Variants in GALR1 observed in about 807,000 individuals in gnomAD.
GALR1 encodes the protein galanin receptor 1.
Under a neutral mutation model 17.9 loss-of-function variants are expected in GALR1, and 11 were observed. The observed-to-expected ratio is 0.62, with a 90% confidence interval of 0.39 to 1.02. The LOEUF (loss-of-function observed/expected upper bound fraction) is 1.02. Ranked by LOEUF, GALR1 falls within the 50% of genes least tolerant of loss-of-function variation. The pLI, the probability that GALR1 is intolerant of heterozygous loss-of-function variation, is 0.01. For synonymous variants in GALR1, 206 were observed against 205.7 expected (o/e 1.00, Z -0.01); for missense variants, 441 against 456.9 (o/e 0.97, Z 0.32).
rs374047751 is a variant in GALR1, at chr18:77,268,861, C to T, written c.1009C>T (p.Arg337Ter). 7.4e-6 allele frequency: 12 copies of T among 1,613,110 alleles called. No individual in the cohort carries two copies. The highest frequency in any genetic ancestry group is 4.5e-5 in the East Asian group (2 of 44,896). The part of the protein sequence containing the change: ...HLSDTKESKS[R>*]IDTPPSTNCT... ...GAGTGATACTAAAGAAAGTAAAAGTCGAATAGACACCCCACCATCAACCAA... is the reference window on the plus strand; with the variant it reads ...GAGTGATACTAAAGAAAGTAAAAGTTGAATAGACACCCCACCATCAACCAA... The change falls in exon 3 of 3, where the codon CGA becomes TGA. Residue 337 changes from arginine (R) to a stop codon, truncating the protein, a stop_gained. Transcript: ENST00000299727. LOFTEE classifies it high-confidence loss of function.
chr18:77,256,228 T>C lies in GALR1; in HGVS notation c.732+5T>C, dbSNP rs1912584605. On this transcript the variant is annotated splice_donor_5th_base_variant and intron_variant, in intron 2 of 2. Coordinates refer to ENST00000299727, the MANE Select transcript of GALR1 (RefSeq NM_001480.4). ...TCTGAAGCATCCAAGAAAAAGGTAATGATCACAAATATATATATATATGTT... is the reference window on the plus strand; with the variant it reads ...TCTGAAGCATCCAAGAAAAAGGTAACGATCACAAATATATATATATATGTT... The C allele has an allele frequency of 6.8e-7, 1 of 1,480,976 alleles. No homozygotes were observed. The highest frequency in any genetic ancestry group is 9.4e-7 in the Non-Finnish European group (1 of 1,060,166). 91.7% of individuals were successfully genotyped at this position (1,480,976 alleles called of 1,614,324 possible). A position where few individuals can be genotyped will look rare whatever the true frequency, so the allele number is the denominator to read the frequency against.
At chr18:77,256,134 A>G (rs1053991953) in intron 1 of GALR1, 24 bp from the exon 2 acceptor site, 9 of 1,487,698 alleles carry the variant, frequency 6.0e-6, no homozygotes, top group Non-Finnish European at 8.4e-6. Context: ...AGGCGAACTG[A>G]TTTCAATAGT....
At chr18:77,258,681 A>ATGGTGATGG (rs2144956784) in intron 2 of GALR1, among the ~76,000 whole-genome samples, 1 of 93,030 alleles carries the variant, frequency 1.1e-5, no homozygotes, top group African/African-American at 4.2e-5. Flanking sequence ...CATGGTGGTG[A>ATGGTGATGG]TGGTGATGGT....
At chr18:77,262,235 G>C (rs1466364865) in intron 2 of GALR1, among the ~76,000 whole-genome samples, 1 of 148,644 alleles carries the variant, frequency 6.7e-6, no homozygotes, top group Non-Finnish European at 1.5e-5. Context: ...AAAAAAAAAA[G>C]CTTTGCACTG....
At chr18:77,252,989 T>TCACCACCACCACCATCAC in intron 1 of GALR1, among the ~76,000 whole-genome samples, 1 of 25,038 alleles carries the variant, frequency 4.0e-5, no homozygotes, top group South Asian at 1.5e-3. Context: ...ATCACCACCA[T>TCACCACCACCACCATCAC]CACCACCACC....
At chr18:77,256,304 A>ATCCAAAG in intron 2 of GALR1, 81 bp downstream of exon 2, 1 of 788,528 alleles carries the variant, frequency 1.3e-6, no homozygotes, top group East Asian at 2.5e-5. Context: ...CCTCACGTCC[A>ATCCAAAG]TCCAAAGCCT....
rs1164237378 is a variant in GALR1, at chr18:77,269,867, A to G, written c.*965A>G. On this transcript the variant is annotated 3_prime_UTR_variant, in exon 3 of 3. Transcript: ENST00000299727. ...TAATGGTCATGCCTGTACATAAAGC[A>G]TATTTCATGTTTGATTTAGATGACA... is the stretch of plus-strand genomic sequence containing the variant. 1 of 152,228 alleles carries G rather than the reference A, an allele frequency of 6.6e-6. No homozygotes were observed. 9.4% of individuals were successfully genotyped at this position (152,228 alleles called of 1,614,324 possible).
Position 77,274,950 on chromosome 18 carries a change from T to C in GALR1, c.*6048T>C, listed in dbSNP as rs942525523. 3 of 152,246 alleles carry C rather than the reference T, an allele frequency of 2.0e-5. No individual in the cohort carries two copies. Among genetic ancestry groups the C allele is most frequent in the African/African-American group, 7.2e-5 (3 of 41,470 alleles). 9.4% of individuals were successfully genotyped at this position (152,246 alleles called of 1,614,324 possible). A position where few individuals can be genotyped will look rare whatever the true frequency, so the allele number is the denominator to read the frequency against. ...ATGTTGAGGGGTTCACAAAGTGGCT[T>C]GGCCTCAGACCTCTATATCCTTGTT... On this transcript the variant is annotated 3_prime_UTR_variant, in exon 3 of 3. Coordinates refer to ENST00000299727, the MANE Select transcript of GALR1 (RefSeq NM_001480.4).
intron 1 of GALR1, among the ~76,000 whole-genome samples, chr18:77,252,477 T>C (rs1293427679): frequency 6.6e-6 from 1 of 152,266 alleles, no homozygotes; most frequent in African/African-American, 2.4e-5. Context: ...GTGTTTACTA[T>C]AAGCCACCTG....
At chr18:77,261,978 T>G (rs1912839840) in intron 2 of GALR1, among the ~76,000 whole-genome samples, 1 of 152,134 alleles carries the variant, frequency 6.6e-6, no homozygotes. Context: ...TGCACACTGC[T>G]GCACCCGGCT....
In GALR1 at chr18:77,269,263, C is replaced by T. The variant is rs1391421711; in HGVS notation, c.*361C>T. 7.1e-6 allele frequency: 1 copy of T among 141,688 alleles called. No individual in the cohort carries two copies. Among genetic ancestry groups the T allele is most frequent in the African/African-American group, 2.8e-5 (1 of 35,944 alleles). 8.8% of individuals were successfully genotyped at this position (141,688 alleles called of 1,614,324 possible). On this transcript the variant is annotated 3_prime_UTR_variant, in exon 3 of 3. Coordinates refer to ENST00000299727, the MANE Select transcript of GALR1 (RefSeq NM_001480.4). ...TATGGTCAGGAATATTTGCAGTCTA[C>T]ATTTTAAAGCCAATTTATTTAGAAA...
chr18:77,252,908 C>T (rs866433087), intron 1 of GALR1, among the ~76,000 whole-genome samples: 544 of 46,102 alleles, frequency 0.012, 6 homozygotes, highest in South Asian at 0.017. Flanking sequence ...ACCACCACCA[C>T]CACCACCACC....
At chr18:77,268,560 T>C (rs1459704939) in intron 2 of GALR1, 25 bp from the exon 3 acceptor site, 1 of 1,572,390 alleles carries the variant, frequency 6.4e-7, no homozygotes, top group Admixed American at 1.7e-5. Context: ...CTCCTCCTCC[T>C]CCTCCTCCTC....
chr18:77,263,603 C>G (rs529476903), intron 2 of GALR1, among the ~76,000 whole-genome samples: 2 of 152,310 alleles, frequency 1.3e-5, no homozygotes, highest in South Asian at 4.1e-4. Flanking sequence ...ACTCTCATCT[C>G]CTGTCCACCT....
At chr18:77,251,931 G>GT (rs1008970118) in intron 1 of GALR1, among the ~76,000 whole-genome samples, 11 of 152,360 alleles carry the variant, frequency 7.2e-5, no homozygotes, top group Middle Eastern at 3.4e-3. Context: ...TCTTTACAGA[G>GT]TCTTGACCGC....
Position 77,251,146 on chromosome 18 carries a change from T to C in GALR1, c.598T>C (p.Tyr200His). 3.7e-6 allele frequency: 6 copies of C among 1,613,102 alleles called. No individual in the cohort carries two copies. The highest frequency in any genetic ancestry group is 5.1e-6 in the Non-Finnish European group (6 of 1,179,880). ...QWPDPRHKKA[Y>H]VVCTFVFGYL... ...GCCCGACCCTCGCCACAAGAAGGCC[T>C]ACGTGGTGTGCACCTTCGTCTTCGG... The change falls in exon 1 of 3, where the codon TAC (tyrosine) becomes CAC (histidine). Residue 200 changes from tyrosine (Y) to histidine (H), a missense_variant. Transcript: ENST00000299727.
rs1568139233 is a variant in GALR1 at position 77,252,986 on chromosome 18, C to T, written c.666+1772C>T. Among the ~76,000 whole-genome samples the T allele has an allele frequency of 6.9e-3, 320 of 46,230 alleles. 8 individuals carry two copies. The highest frequency in any genetic ancestry group is 0.013 in the Non-Finnish European group (245 of 18,928). 30.3% of individuals were successfully genotyped at this position (46,230 alleles called of 152,430 possible). A position where few individuals can be genotyped will look rare whatever the true frequency, so the allele number is the denominator to read the frequency against. ...ACCACCACCATCACCACCATCACCA[C>T]CATCACCACCACCACCACCACCACC... On this transcript the variant is annotated intron_variant, in intron 1 of 2. Transcript: ENST00000299727.
chr18:77,253,557 T>A (rs1481153652), intron 1 of GALR1, among the ~76,000 whole-genome samples: 2 of 152,234 alleles, frequency 1.3e-5, no homozygotes, highest in Non-Finnish European at 2.9e-5. Flanking sequence ...GAATTCAGCA[T>A]AATATTCATA....
In GALR1 at chr18:77,272,956, G is replaced by A. The variant is rs773452113; in HGVS notation, c.*4054G>A. 4 of 152,226 alleles carry A rather than the reference G, an allele frequency of 2.6e-5. No homozygotes were observed. Among genetic ancestry groups the A allele is most frequent in the Non-Finnish European group, 5.9e-5 (4 of 68,044 alleles). 9.4% of individuals were successfully genotyped at this position (152,226 alleles called of 1,614,324 possible). ...GACATCTTTGATGGGGGCTGTATTT[G>A]CATTAGGCAGAGGTGTCTAAGGAGA... On this transcript the variant is annotated 3_prime_UTR_variant, in exon 3 of 3. Coordinates refer to ENST00000299727, the MANE Select transcript of GALR1 (RefSeq NM_001480.4).
Sources: gnomAD v4.1 joint callset for allele counts (sites outside exome capture counted in the v4.1 genomes callset) on GRCh38, gnomAD v4.1.1 for gene constraint, MANE v1.5 for transcripts, NCBI Gene and HGNC (gene_info 2026-07-23, HGNC 2026-07-21) for gene names.